Variants in ALK observed in about 807,000 individuals in gnomAD.
ALK encodes ALK receptor tyrosine kinase, also known as ALK tyrosine kinase receptor.
A neutral mutation model predicts 163.1 loss-of-function variants in ALK; 74 were observed. The observed-to-expected ratio is 0.45, with a 90% confidence interval of 0.38 to 0.55. The LOEUF (loss-of-function observed/expected upper bound fraction) is 0.55, where lower values mean the gene tolerates loss of function less well. Among genes scored for constraint, ALK ranks in the 20% least tolerant of loss-of-function variants. ALK has a pLI of 0.00. For synonymous variants in ALK, 960 were observed against 843.2 expected (o/e 1.14, Z -2.40); for missense variants, 2,063 against 2,105.3 (o/e 0.98, Z 0.39).
At chr2:29,713,184 T>C (rs1164273320) in intron 2 of ALK, among the ~76,000 whole-genome samples, 1 of 152,210 alleles carries the variant, frequency 6.6e-6, no homozygotes. Context: ...ACCCTATATG[T>C]GCCTGTGTTT....
intron 3 of ALK, 132 bp from the exon 4 acceptor site, chr2:29,532,248 C>T: frequency 1.2e-6 from 1 of 833,958 alleles, no homozygotes; most frequent in Non-Finnish European, 2.0e-6. Flanking sequence ...TCTCTGCATG[C>T]ACCCAGCCTT....
chr2:29,919,989 TC>T lies in ALK; in HGVS notation c.667+3del. On this transcript the variant is annotated splice_donor_region_variant and intron_variant, in intron 1 of 28. Coordinates refer to ENST00000389048, the MANE Select transcript of ALK (RefSeq NM_004304.5). ...CCCGGCACACTCAGGCGGGAGCTGC[TC>T]ACCAGTCCCGAAGATCTGGAAGAGA... 6.2e-7 allele frequency: 1 copy of T among 1,613,162 alleles called. No homozygotes were observed. The highest frequency in any genetic ancestry group is 8.5e-7 in the Non-Finnish European group (1 of 1,179,304).
chr2:29,783,917 G>A (rs1663920661), intron 1 of ALK, among the ~76,000 whole-genome samples: 1 of 152,170 alleles, frequency 6.6e-6, no homozygotes, highest in Non-Finnish European at 1.5e-5. Flanking sequence ...TGTGTAAGAT[G>A]TTAATTTCCC....
Position 29,320,698 on chromosome 2 carries a change from T to C in ALK, c.1546+53A>G. On this transcript the variant is annotated intron_variant, in intron 7 of 28. Transcript: ENST00000389048. ...AGTCCAGCCCTGAGTCTCCCATCTG[T>C]CTATGTGGGCATGAAGATGGGCACC... The C allele has an allele frequency of 2.5e-6, 4 of 1,610,724 alleles. No individual in the cohort carries two copies. The South Asian group carries it at 3.3e-5, about 13-fold the overall frequency.
intron 5 of ALK, among the ~76,000 whole-genome samples, chr2:29,333,704 C>A (rs1328740999): frequency 6.6e-6 from 1 of 152,192 alleles, no homozygotes; most frequent in Non-Finnish European, 1.5e-5. Flanking sequence ...TAGCCTTGAC[C>A]TTCCCGACCT....
intron 26 of ALK, among the ~76,000 whole-genome samples, chr2:29,203,705 C>T (rs1230628795): frequency 2.6e-5 from 4 of 151,432 alleles, no homozygotes; most frequent in Non-Finnish European, 4.4e-5. Context: ...AGGCTGGTCT[C>T]GAACTCCTGA....
intron 4 of ALK, among the ~76,000 whole-genome samples, chr2:29,420,867 G>C (rs1669999661): frequency 1.3e-5 from 2 of 151,512 alleles, no homozygotes; most frequent in Admixed American, 6.6e-5. Context: ...AAAAAGTCTG[G>C]AGAAAGAGAA....
chr2:29,874,559 G>A (rs1395015922), intron 1 of ALK, among the ~76,000 whole-genome samples: 1 of 152,192 alleles, frequency 6.6e-6, no homozygotes, highest in African/African-American at 2.4e-5. Context: ...TACTACTGAT[G>A]TTGTTCAAGC....
chr2:29,854,919 C>T (rs555797573), intron 1 of ALK, among the ~76,000 whole-genome samples: 8 of 147,314 alleles, frequency 5.4e-5, no homozygotes, highest in South Asian at 4.3e-4. Flanking sequence ...TATTTTATTG[C>T]GGTAAGAGCA....
chr2:29,729,133 T>C lies in ALK; in HGVS notation c.668-11436A>G, dbSNP rs188919710. Among the ~76,000 whole-genome samples the C allele has an allele frequency of 1.6e-3, 237 of 152,270 alleles. 1 individual carries two copies. Among genetic ancestry groups the C allele is most frequent in the Non-Finnish European group, 1.3e-4 (9 of 68,028 alleles). On this transcript the variant is annotated intron_variant, in intron 1 of 28. Coordinates refer to ENST00000389048, the MANE Select transcript of ALK (RefSeq NM_004304.5). ...CCACTAAACCTCAGCCTCCCCTCGC[T>C]CTGAAACCTGAATTACCTTCTGGAA...
chr2:29,222,855 C>T (rs1669844519), intron 20 of ALK, among the ~76,000 whole-genome samples: 1 of 152,174 alleles, frequency 6.6e-6, no homozygotes, highest in Non-Finnish European at 1.5e-5. Context: ...TTTATTCATT[C>T]AATCAGTAGT....
At chr2:29,363,920 C>A (rs1668440975) in intron 5 of ALK, among the ~76,000 whole-genome samples, 1 of 152,248 alleles carries the variant, frequency 6.6e-6, no homozygotes, top group South Asian at 2.1e-4. Flanking sequence ...GAGGTGGCAT[C>A]CCCTTTTCTA....
chr2:29,269,131 C>T (rs1405240549), intron 11 of ALK, among the ~76,000 whole-genome samples: 2 of 152,180 alleles, frequency 1.3e-5, no homozygotes, highest in African/African-American at 4.8e-5. Flanking sequence ...AGTGACATCT[C>T]CCTCAGGGAG....
intron 1 of ALK, among the ~76,000 whole-genome samples, chr2:29,732,572 G>C (rs909881251): frequency 7.9e-5 from 12 of 152,200 alleles, no homozygotes; most frequent in African/African-American, 2.2e-4. Flanking sequence ...CTGTTAGGGA[G>C]AACTGTGGAC....
chr2:29,649,205 A>AGT (rs1198188084), intron 3 of ALK, among the ~76,000 whole-genome samples: 1 of 140,970 alleles, frequency 7.1e-6, no homozygotes, highest in African/African-American at 2.9e-5. Flanking sequence ...TGTGAGAGAG[A>AGT]GTGTGTGTAT....
intron 1 of ALK, among the ~76,000 whole-genome samples, chr2:29,806,785 C>T (rs944641543): frequency 5.3e-5 from 8 of 152,082 alleles, no homozygotes; most frequent in South Asian, 2.1e-4. Flanking sequence ...TGTACAGGCA[C>T]GCATGGGGGC....
At chr2:29,512,283 A>C (rs537381052) in intron 4 of ALK, among the ~76,000 whole-genome samples, 2 of 151,498 alleles carry the variant, frequency 1.3e-5, no homozygotes, top group African/African-American at 4.8e-5. Context: ...GCAGCACATC[A>C]AAAAGCTTAT....
At chr2:29,273,423 A>G (rs1264967734) in intron 11 of ALK, among the ~76,000 whole-genome samples, 1 of 152,184 alleles carries the variant, frequency 6.6e-6, no homozygotes, top group Non-Finnish European at 1.5e-5. Flanking sequence ...AATTTTATTT[A>G]GAGGTGGTGG....
intron 4 of ALK, among the ~76,000 whole-genome samples, chr2:29,432,547 T>C (rs1007003822): frequency 6.6e-6 from 1 of 152,084 alleles, no homozygotes; most frequent in Non-Finnish European, 1.5e-5. Context: ...ACAATCAACC[T>C]CAGATTTGTA....
Sources: allele counts gnomAD v4.1 joint callset (sites outside exome capture counted in the v4.1 genomes callset), GRCh38; gene constraint gnomAD v4.1.1; transcripts MANE v1.5; gene names NCBI Gene and HGNC (gene_info 2026-07-23, HGNC 2026-07-21).